Variants in RMST observed in about 807,000 individuals in gnomAD.
RMST encodes the protein long intergenic non-protein coding RNA 54.
intron 10 of RMST, among the ~76,000 whole-genome samples, chr12:97,521,969 T>C (rs567224005): frequency 6.6e-6 from 1 of 152,358 alleles, no homozygotes; most frequent in East Asian, 1.9e-4. Flanking sequence ...ACATACTTGA[T>C]TGCTGTGTTT....
At chr12:97,476,957 C>T (rs1874622317) in intron 5 of RMST, among the ~76,000 whole-genome samples, 2 of 152,194 alleles carry the variant, frequency 1.3e-5, no homozygotes, top group East Asian at 1.9e-4. Context: ...ATTTGCTTTC[C>T]AGAGGTTGCT....
intron 11 of RMST, among the ~76,000 whole-genome samples, chr12:97,537,105 A>G (rs1882132691): frequency 6.6e-6 from 1 of 151,516 alleles, no homozygotes; most frequent in Non-Finnish European, 1.5e-5. Flanking sequence ...TGTGATTCTA[A>G]TTACAAATGA....
chr12:97,463,495 G>A lies in RMST; in HGVS notation n.584+206G>A, dbSNP rs142739780. 9.7e-3 allele frequency among the ~76,000 whole-genome samples: 1,472 copies of A among 152,246 alleles called. 28 individuals are homozygous for A. Among genetic ancestry groups the A allele is most frequent in the African/African-American group, 0.033 (1,386 of 41,538 alleles). On this transcript the variant is annotated intron_variant and non_coding_transcript_variant, in intron 4 of 13. Coordinates refer to ENST00000640149, the Ensembl canonical transcript of RMST. ...GCGGAGCTGAGTGGAAGGGTGAGCT[G>A]CTTTTTGTGTCTGTCTGGTGATATT...
chr12:97,478,533 A>G (rs1259294584), intron 5 of RMST, among the ~76,000 whole-genome samples: 1 of 152,180 alleles, frequency 6.6e-6, no homozygotes, highest in African/African-American at 2.4e-5. Flanking sequence ...AGCCTCCTTT[A>G]ACTTATGGTG....
intron 10 of RMST, among the ~76,000 whole-genome samples, chr12:97,514,581 G>A (rs757345988): frequency 1.3e-5 from 2 of 151,652 alleles, no homozygotes; most frequent in Non-Finnish European, 2.9e-5. Flanking sequence ...TCTGGATTTC[G>A]ATTAGTTCAT....
chr12:97,469,887 A>G (rs543761007), intron 5 of RMST, among the ~76,000 whole-genome samples: 43 of 152,270 alleles, frequency 2.8e-4, no homozygotes, highest in African/African-American at 6.5e-4. Context: ...CAGAGCCAAT[A>G]GGATACAATT....
At chr12:97,534,571 T>C (rs1420399040) in intron 11 of RMST, among the ~76,000 whole-genome samples, 1 of 151,758 alleles carries the variant, frequency 6.6e-6, no homozygotes, top group East Asian at 1.9e-4. Context: ...TGTCTCAGTG[T>C]AGAAAAAAGT....
intron 11 of RMST, among the ~76,000 whole-genome samples, chr12:97,540,612 A>G (rs1882422814): frequency 6.6e-6 from 1 of 151,714 alleles, no homozygotes; most frequent in Non-Finnish European, 1.5e-5. Context: ...TAGCAATGTG[A>G]CTAGGAGGCA....
intron 10 of RMST, among the ~76,000 whole-genome samples, chr12:97,511,108 G>C (rs903015375): frequency 6.6e-6 from 1 of 151,120 alleles, no homozygotes; most frequent in African/African-American, 2.4e-5. Context: ...AAAATGTTTA[G>C]TGGGCAATTA....
At chr12:97,534,432 T>C (rs1881908791) in intron 11 of RMST, among the ~76,000 whole-genome samples, 1 of 151,736 alleles carries the variant, frequency 6.6e-6, no homozygotes, top group Non-Finnish European at 1.5e-5. Flanking sequence ...TGGTTATAAA[T>C]ACAACATTCT....
chr12:97,512,889 G>C (rs1384796572), intron 10 of RMST, among the ~76,000 whole-genome samples: 1 of 152,104 alleles, frequency 6.6e-6, no homozygotes, highest in Admixed American at 6.5e-5. Flanking sequence ...AGGCGAGGGG[G>C]AGGCTCAGGC....
At chr12:97,473,523 A>T (rs1049168444) in intron 5 of RMST, among the ~76,000 whole-genome samples, 4 of 152,110 alleles carry the variant, frequency 2.6e-5, no homozygotes, top group Non-Finnish European at 5.9e-5. Context: ...GAAATATGTC[A>T]ACTTCCTCAC....
intron 5 of RMST, chr12:97,465,796 G>A (rs1873114513): frequency 6.6e-6 from 1 of 152,080 alleles, no homozygotes; most frequent in South Asian, 2.1e-4. Context: ...AGTAGCATTG[G>A]AAAACTGCTC....
At chr12:97,560,790 A>G (rs890757262) in intron 12 of RMST, 1 of 152,194 alleles carries the variant, frequency 6.6e-6, no homozygotes, top group Non-Finnish European at 1.5e-5. Flanking sequence ...TTAAAAAATC[A>G]TTTTAGGTGC....
At chr12:97,525,995 C>T (rs1007092525) in intron 10 of RMST, among the ~76,000 whole-genome samples, 1 of 151,770 alleles carries the variant, frequency 6.6e-6, no homozygotes, top group Admixed American at 6.6e-5. Context: ...GAATCTAATG[C>T]CTGATGATCT....
intron 5 of RMST, among the ~76,000 whole-genome samples, chr12:97,469,140 CAGTGTGTGTG>C (rs1873563216): frequency 8.2e-6 from 1 of 122,670 alleles, no homozygotes; most frequent in Non-Finnish European, 1.7e-5. Context: ...GAAGAGAAAC[CAGTGTGTGTG>C]TGTGTGTGTG....
intron 10 of RMST, among the ~76,000 whole-genome samples, chr12:97,514,556 A>G (rs1240103363): frequency 6.6e-6 from 1 of 152,154 alleles, no homozygotes; most frequent in Admixed American, 6.5e-5. Context: ...TCATTGGCCA[A>G]TCTTCTTTAA....
chr12:97,551,865 C>T (rs1883332639), intron 11 of RMST: 1 of 152,118 alleles, frequency 6.6e-6, no homozygotes, highest in Non-Finnish European at 1.5e-5. Context: ...CTGTAATTTG[C>T]AGAAAATGGA....
chr12:97,497,346 AAAG>A (rs1877543241), intron 10 of RMST, among the ~76,000 whole-genome samples: 2 of 152,312 alleles, frequency 1.3e-5, no homozygotes, highest in Non-Finnish European at 2.9e-5. Context: ...TCACCCTGAC[AAAG>A]ATTTTCTATC....
Sources: allele counts gnomAD v4.1 joint callset (sites outside exome capture counted in the v4.1 genomes callset), GRCh38; gene constraint gnomAD v4.1.1; transcripts MANE v1.5; gene names NCBI Gene and HGNC (gene_info 2026-07-23, HGNC 2026-07-21).